Variants in GRIA1 observed in about 807,000 individuals in gnomAD.
The protein encoded by GRIA1 is glutamate ionotropic receptor AMPA type subunit 1.
A neutral mutation model predicts 99.2 loss-of-function variants in GRIA1; 31 were observed. The ratio of observed to expected loss-of-function variants is 0.31; its 90% CI spans 0.23 to 0.42. GRIA1 has a LOEUF of 0.42. Ranked by LOEUF, GRIA1 falls within the 10% of genes least tolerant of loss-of-function variation. The pLI, the probability that GRIA1 is intolerant of heterozygous loss-of-function variation, is 1.00. For missense variants in GRIA1, 782 were observed against 1,157.5 expected (o/e 0.68, Z 4.71); for synonymous variants, 438 against 432.4 (o/e 1.01, Z -0.16).
intron 2 of GRIA1, among the ~76,000 whole-genome samples, chr5:153,614,237 G>A (rs1449209433): frequency 1.3e-5 from 2 of 152,104 alleles, no homozygotes; most frequent in Middle Eastern, 3.2e-3. Flanking sequence ...GTTGTTTAAT[G>A]TATCTTCACT....
chr5:153,792,027 C>G (rs1378775307), intron 13 of GRIA1, among the ~76,000 whole-genome samples: 1 of 152,160 alleles, frequency 6.6e-6, no homozygotes, highest in Non-Finnish European at 1.5e-5. Context: ...GAGAACATAG[C>G]TCCAGGGAAC....
chr5:153,769,059 T>C (rs2149615263), intron 12 of GRIA1, among the ~76,000 whole-genome samples: 1 of 152,260 alleles, frequency 6.6e-6, no homozygotes, highest in South Asian at 2.1e-4. Flanking sequence ...GGGAAGACAT[T>C]CCCTCAGGTA....
chr5:153,646,468 C>T (rs968860401), intron 2 of GRIA1, among the ~76,000 whole-genome samples: 1 of 152,162 alleles, frequency 6.6e-6, no homozygotes, highest in Non-Finnish European at 1.5e-5. Context: ...CCTAGCTGTG[C>T]TACCTTGAAT....
At chr5:153,809,566 C>T (rs1369588077) in intron 15 of GRIA1, among the ~76,000 whole-genome samples, 1 of 152,216 alleles carries the variant, frequency 6.6e-6, no homozygotes, top group African/African-American at 2.4e-5. Flanking sequence ...TCTCTGGTCA[C>T]TAGAATAATG....
chr5:153,637,056 T>C (rs1332467431), intron 2 of GRIA1, among the ~76,000 whole-genome samples: 1 of 152,232 alleles, frequency 6.6e-6, no homozygotes, highest in Non-Finnish European at 1.5e-5. Context: ...TAAAGAGTTA[T>C]TGTGAAGAGT....
intron 11 of GRIA1, among the ~76,000 whole-genome samples, chr5:153,747,207 C>T (rs66976446): frequency 1.8e-3 from 268 of 152,162 alleles, no homozygotes; most frequent in African/African-American, 6.1e-3. Flanking sequence ...CCTCAGGAAG[C>T]TTTTACTCAT....
intron 7 of GRIA1, among the ~76,000 whole-genome samples, chr5:153,681,155 C>G (rs1379490752): frequency 6.6e-6 from 1 of 152,048 alleles, no homozygotes; most frequent in Non-Finnish European, 1.5e-5. Flanking sequence ...CAGTATGTCA[C>G]GTAGTAAGAG....
intron 2 of GRIA1, among the ~76,000 whole-genome samples, chr5:153,562,984 C>T (rs566506882): frequency 9.5e-4 from 145 of 151,876 alleles, no homozygotes; most frequent in African/African-American, 3.5e-3. Flanking sequence ...GAGACCATCC[C>T]GGCCAACATG....
At chr5:153,748,006 G>T (rs1219741329) in intron 11 of GRIA1, among the ~76,000 whole-genome samples, 1 of 152,226 alleles carries the variant, frequency 6.6e-6, no homozygotes, top group Non-Finnish European at 1.5e-5. Context: ...CCTATTGTGT[G>T]CCAGGCACTG....
chr5:153,692,068 C>G lies in GRIA1; in HGVS notation c.1134+5739C>G, dbSNP rs545465096. 3.3e-5 allele frequency among the ~76,000 whole-genome samples: 5 copies of G among 152,296 alleles called. No homozygotes were observed. The East Asian group carries it at 9.6e-4, about 29-fold the overall frequency. On this transcript the variant is annotated intron_variant, in intron 8 of 15. Transcript: ENST00000285900. ...TCTTTGCATTCCTTGAGCACAGCCT[C>G]GCACTTTCCTCAAGTCACTTGCATA...
At chr5:153,561,397 C>G (rs1761113816) in intron 2 of GRIA1, among the ~76,000 whole-genome samples, 7 of 152,054 alleles carry the variant, frequency 4.6e-5, no homozygotes, top group Admixed American at 6.6e-5. Context: ...ACAAGCCTGA[C>G]CCAACATAGT....
intron 9 of GRIA1, 70 bp downstream of exon 9, chr5:153,698,224 G>A (rs769718303): frequency 3.6e-6 from 3 of 821,932 alleles, no homozygotes; most frequent in Non-Finnish European, 6.1e-6. Context: ...TTTCCACCAG[G>A]ACTGAAAGCT....
intron 11 of GRIA1, among the ~76,000 whole-genome samples, chr5:153,753,411 A>G (rs188712464): frequency 2.8e-4 from 42 of 152,352 alleles, no homozygotes; most frequent in African/African-American, 9.1e-4. Context: ...CATGAGTTAA[A>G]GAAGTCCATG....
intron 15 of GRIA1, among the ~76,000 whole-genome samples, chr5:153,809,462 G>T (rs1186743362): frequency 1.3e-5 from 2 of 152,164 alleles, no homozygotes; most frequent in African/African-American, 2.4e-5. Flanking sequence ...TTAAAACATT[G>T]TCAGAACTGC....
At chr5:153,546,826 GAAACC>G (rs2113520505) in intron 2 of GRIA1, among the ~76,000 whole-genome samples, 1 of 152,298 alleles carries the variant, frequency 6.6e-6, no homozygotes, top group African/African-American at 2.4e-5. Flanking sequence ...AGGATCCTTT[GAAACC>G]AAGATTTTAT....
chr5:153,668,410 T>G (rs1755903686), intron 5 of GRIA1, among the ~76,000 whole-genome samples: 1 of 152,164 alleles, frequency 6.6e-6, no homozygotes, highest in Non-Finnish European at 1.5e-5. Flanking sequence ...TTTTTAATTG[T>G]TGGGAAAAAA....
At chr5:153,532,642 G>T (rs1164473940) in intron 2 of GRIA1, among the ~76,000 whole-genome samples, 1 of 152,072 alleles carries the variant, frequency 6.6e-6, no homozygotes, top group Non-Finnish European at 1.5e-5. Context: ...TTGCTTTTGT[G>T]ACACCCACCA....
chr5:153,657,654 G>T (rs970078), intron 5 of GRIA1, among the ~76,000 whole-genome samples: 68,097 of 152,028 alleles, frequency 0.45, 16,035 homozygotes, highest in Non-Finnish European at 0.5. Flanking sequence ...GCCTAATCCA[G>T]AAATTCTGTC....
intron 2 of GRIA1, among the ~76,000 whole-genome samples, chr5:153,496,926 T>C (rs1754491857): frequency 6.6e-6 from 1 of 152,200 alleles, no homozygotes; most frequent in Non-Finnish European, 1.5e-5. Flanking sequence ...TTTTTCCCTT[T>C]GCATTTTGCT....
Sources: allele counts gnomAD v4.1 joint callset (sites outside exome capture counted in the v4.1 genomes callset), GRCh38; gene constraint gnomAD v4.1.1; transcripts MANE v1.5; gene names NCBI Gene and HGNC (gene_info 2026-07-23, HGNC 2026-07-21).